Variants in RFX3 observed in about 807,000 individuals in gnomAD.
The protein encoded by RFX3 is transcription factor RFX3.
A neutral mutation model predicts 98.6 loss-of-function variants in RFX3; 14 were observed. The ratio of observed to expected loss-of-function variants is 0.14; its 90% CI spans 0.09 to 0.22. The LOEUF (loss-of-function observed/expected upper bound fraction) is 0.22. Among genes scored for constraint, RFX3 ranks in the 10% least tolerant of loss-of-function variants. RFX3 has a pLI of 1.00. For missense variants in RFX3, 639 were observed against 926.9 expected, an observed-to-expected ratio of 0.69 and a Z score of 4.03; for synonymous variants, 383 against 328.4, an observed-to-expected ratio of 1.17 and a Z score of -1.80.
At chr9:3,352,098 G>GAT (rs1429480018) in intron 2 of RFX3, among the ~76,000 whole-genome samples, 1 of 151,898 alleles carries the variant, frequency 6.6e-6, no homozygotes, top group African/African-American at 2.4e-5. Context: ...AATAAAGTAA[G>GAT]ATATATATGT....
At chr9:3,493,702 TA>T (rs1564172564) in intron 1 of RFX3, among the ~76,000 whole-genome samples, 1 of 90,364 alleles carries the variant, frequency 1.1e-5, no homozygotes, top group Non-Finnish European at 1.9e-5. Context: ...AAAAAAAAAA[TA>T]TATATATATA....
rs34162079 is a variant in RFX3, at chr9:3,330,388, A to G, written c.345T>C (p.Thr115=). 2.1e-4 allele frequency: 343 copies of G among 1,614,142 alleles called. 1 individual carries two copies. The African/African-American group carries it at 4.2e-3, about 20-fold the overall frequency. The part of the protein sequence containing the change: ...TVVSSHSMVG[T]GGIQMGVTGG... ...CTGTGACGCCCATCTGAATCCCACC[A>G]GTGCCCACCATACTGTGGGATGAGA... The change falls in exon 4 of 17, where the codon ACT becomes ACC. Residue 115 remains threonine (T), a synonymous_variant. Coordinates refer to ENST00000617270, the MANE Select transcript of RFX3 (RefSeq NM_001282116.2).
At chr9:3,410,161 C>CTGGTGTGTGTG (rs1842332179) in intron 1 of RFX3, among the ~76,000 whole-genome samples, 1 of 114,052 alleles carries the variant, frequency 8.8e-6, no homozygotes, top group Non-Finnish European at 1.8e-5. Flanking sequence ...GTGAGATAAA[C>CTGGTGTGTGTG]TGTGTGTGTG....
intron 15 of RFX3, among the ~76,000 whole-genome samples, chr9:3,237,908 G>A (rs1268238008): frequency 6.6e-6 from 1 of 151,838 alleles, no homozygotes; most frequent in Non-Finnish European, 1.5e-5. Flanking sequence ...ATGAGGTCAA[G>A]GCTGCAGTGA....
At chr9:3,237,751 A>G (rs1030733616) in intron 15 of RFX3, among the ~76,000 whole-genome samples, 25 of 152,340 alleles carry the variant, frequency 1.6e-4, no homozygotes, top group African/African-American at 5.8e-4. Flanking sequence ...ATTATATATA[A>G]CTTTCCCAGG....
rs36111393 is a variant in RFX3 at position 3,453,710 on chromosome 9, CAA to C, written c.-8-58116_-8-58115del. The C allele has an allele frequency of 5.7e-3, 501 of 87,858 alleles. 3 individuals carry two copies. The highest frequency in any genetic ancestry group is 0.026 in the East Asian group (90 of 3,514). The allele number at this position is 87,858 out of a possible 1,614,324, so 5.4% of individuals were successfully genotyped here. A position where few individuals can be genotyped will look rare whatever the true frequency, so the allele number is the denominator to read the frequency against. ...GGGCAACAAAGCAAGACTCTTTTTT[CAA>C]AAAAAAAAAAAAAAAAAGAGTAATT... On this transcript the variant is annotated intron_variant, in intron 1 of 16. Coordinates refer to ENST00000617270, the MANE Select transcript of RFX3 (RefSeq NM_001282116.2).
At chr9:3,342,122 AG>A (rs1420787578) in intron 3 of RFX3, among the ~76,000 whole-genome samples, 2 of 152,232 alleles carry the variant, frequency 1.3e-5, no homozygotes, top group African/African-American at 4.8e-5. Flanking sequence ...CTATAGGTAT[AG>A]TACTTTAAAA....
At position 3,400,732 on chromosome 9, in the gene RFX3, T is replaced by C. The variant is rs555278813; in HGVS notation, c.-8-5136A>G. The stretch of plus-strand genomic sequence containing the variant: ...GAAAAGTTCATAATTTGGCCTCTCA[T>C]GTAATAGTTTTTTCCTGGTGCCAGG... On this transcript the variant is annotated intron_variant, in intron 1 of 16. Transcript: ENST00000617270. Among the ~76,000 whole-genome samples the C allele has an allele frequency of 2.0e-5, 3 of 152,244 alleles. No individual in the cohort carries two copies. The South Asian group carries it at 6.2e-4, about 31-fold the overall frequency.
intron 14 of RFX3, among the ~76,000 whole-genome samples, chr9:3,254,792 C>T (rs766301021): frequency 1.3e-5 from 2 of 152,156 alleles, no homozygotes; most frequent in Admixed American, 1.3e-4. Context: ...ACTGTGATAA[C>T]GCATTTCAAA....
intron 2 of RFX3, among the ~76,000 whole-genome samples, chr9:3,371,754 C>T (rs1375958076): frequency 6.6e-6 from 1 of 152,054 alleles, no homozygotes; most frequent in Non-Finnish European, 1.5e-5. Flanking sequence ...TAGTAGAGAA[C>T]AGAAGGCTAG....
At chr9:3,438,279 T>C (rs1040169803) in intron 1 of RFX3, among the ~76,000 whole-genome samples, 2 of 152,120 alleles carry the variant, frequency 1.3e-5, no homozygotes, top group Non-Finnish European at 2.9e-5. Context: ...ACTGACGAAA[T>C]GACCTGTACA....
chr9:3,347,333 GA>G (rs1360222805), intron 2 of RFX3, among the ~76,000 whole-genome samples: 11 of 150,428 alleles, frequency 7.3e-5, no homozygotes, highest in African/African-American at 2.7e-4. Flanking sequence ...AAAAAAAAAA[GA>G]AAGTTCTTAT....
chr9:3,457,842 C>G (rs1847332537), intron 1 of RFX3, among the ~76,000 whole-genome samples: 1 of 152,000 alleles, frequency 6.6e-6, no homozygotes, highest in Admixed American at 6.6e-5. Context: ...ACAAAGATGC[C>G]TGAGATCTAT....
intron 4 of RFX3, among the ~76,000 whole-genome samples, chr9:3,314,601 C>A (rs1357530118): frequency 1.3e-5 from 2 of 152,104 alleles, no homozygotes; most frequent in Non-Finnish European, 2.9e-5. Flanking sequence ...ACTCAAGACC[C>A]ATCAGCGTGC....
At chr9:3,262,598 G>A (rs771328931) in intron 13 of RFX3, among the ~76,000 whole-genome samples, 2 of 152,190 alleles carry the variant, frequency 1.3e-5, no homozygotes, top group Non-Finnish European at 2.9e-5. Flanking sequence ...GTTAAGTAAC[G>A]CAATTGCCCA....
intron 1 of RFX3, among the ~76,000 whole-genome samples, chr9:3,502,243 G>A (rs143792444): frequency 0.013 from 1,966 of 150,874 alleles, 31 homozygotes; most frequent in African/African-American, 0.036. Context: ...GGGAGACACA[G>A]CAAGACTCTG....
intron 1 of RFX3, among the ~76,000 whole-genome samples, chr9:3,509,503 G>T (rs1171800904): frequency 6.6e-6 from 1 of 151,710 alleles, no homozygotes; most frequent in African/African-American, 2.4e-5. Context: ...ACAAATAATA[G>T]GAATTAAATA....
intron 7 of RFX3, among the ~76,000 whole-genome samples, chr9:3,283,809 C>T (rs939474412): frequency 6.6e-6 from 1 of 151,648 alleles, no homozygotes; most frequent in African/African-American, 2.4e-5. Context: ...GAAACATACT[C>T]ATTAAAATGT....
intron 1 of RFX3, among the ~76,000 whole-genome samples, chr9:3,488,516 G>A (rs1487534618): frequency 6.6e-6 from 1 of 152,054 alleles, no homozygotes; most frequent in Non-Finnish European, 1.5e-5. Flanking sequence ...AATGGTTTGA[G>A]AAATATAATA....
Sources: allele counts gnomAD v4.1 joint callset (sites outside exome capture counted in the v4.1 genomes callset), GRCh38; gene constraint gnomAD v4.1.1; transcripts MANE v1.5; gene names NCBI Gene and HGNC (gene_info 2026-07-23, HGNC 2026-07-21).